Variants in MAST4 observed in about 807,000 individuals in gnomAD.
The protein encoded by MAST4 is microtubule-associated serine/threonine-protein kinase 4.
Under a neutral mutation model 162.7 loss-of-function variants are expected in MAST4, and 89 were observed. That is an observed-to-expected ratio of 0.55 (90% CI 0.46 to 0.65). The LOEUF is 0.65. MAST4 is among the 30% of genes least tolerant of loss of function. MAST4 has a pLI of 0.00. For synonymous variants in MAST4, 1,479 were observed against 1,361.1 expected, an observed-to-expected ratio of 1.09 and a Z score of -1.91; for missense variants, 3,153 against 3,374.0, an observed-to-expected ratio of 0.93 and a Z score of 1.62.
At chr5:66,635,713 A>G (rs542894717) in intron 1 of MAST4, among the ~76,000 whole-genome samples, 1 of 151,490 alleles carries the variant, frequency 6.6e-6, no homozygotes, top group East Asian at 1.9e-4. Flanking sequence ...TTTGAGACAG[A>G]GTTGCCCAGG....
At chr5:66,870,226 G>C (rs1248556416) in intron 3 of MAST4, among the ~76,000 whole-genome samples, 1 of 152,114 alleles carries the variant, frequency 6.6e-6, no homozygotes, top group Non-Finnish European at 1.5e-5. Context: ...GTGCATTTAG[G>C]GGCATAGTTT....
rs375144304 is a variant in MAST4 at position 67,163,952 on chromosome 5, G to A, written c.4773G>A (p.Ala1591=). 1.3e-5 allele frequency: 21 copies of A among 1,612,930 alleles called. No homozygotes were observed. The South Asian group carries it at 1.5e-4, about 12-fold the overall frequency. The part of the protein sequence containing the change: ...VERSSTFENK[A]SMQEAPPLGS... The stretch of plus-strand genomic sequence containing the variant: ...GGTCAAGTACTTTTGAAAACAAAGC[G>A]TCTATGCAGGAGGCGCCACCGCTGG... The change falls in exon 29 of 29, where the codon GCG becomes GCA. Residue 1591 remains alanine, a synonymous_variant. Coordinates refer to ENST00000403625, the MANE Select transcript of MAST4 (RefSeq NM_001164664.2). The surrounding 1 kb of genome is among the most constrained non-coding windows in gnomAD (Gnocchi z 7.0).
At chr5:66,800,640 C>T (rs1755872261) in intron 3 of MAST4, among the ~76,000 whole-genome samples, 1 of 152,010 alleles carries the variant, frequency 6.6e-6, no homozygotes, top group Non-Finnish European at 1.5e-5. Flanking sequence ...AACAAACCCC[C>T]ATGACACAGG....
intron 5 of MAST4, among the ~76,000 whole-genome samples, chr5:67,087,125 T>C (rs771119374): frequency 5.3e-5 from 8 of 152,182 alleles, no homozygotes; most frequent in Non-Finnish European, 8.8e-5. Context: ...AGAATGCTCA[T>C]TGACCCTTTT....
chr5:67,136,807 C>A, intron 19 of MAST4, 143 bp downstream of exon 19: 1 of 603,702 alleles, frequency 1.7e-6, no homozygotes, highest in Middle Eastern at 3.0e-4. Flanking sequence ...CACATTATAG[C>A]AATAATATTT....
At chr5:67,152,561 C>A in intron 24 of MAST4, 76 bp from the exon 25 acceptor site, 1 of 1,200,400 alleles carries the variant, frequency 8.3e-7, no homozygotes, top group Non-Finnish European at 1.2e-6. Context: ...CCTGGCAAGG[C>A]TCATGGGGTG....
chr5:66,939,198 CA>C, intron 4 of MAST4, among the ~76,000 whole-genome samples: 1 of 151,852 alleles, frequency 6.6e-6, no homozygotes, highest in East Asian at 1.9e-4. Flanking sequence ...AAGAGAGAAA[CA>C]AATAGAAAAC....
chr5:66,936,571 T>A (rs1283940269), intron 4 of MAST4, among the ~76,000 whole-genome samples: 2 of 152,096 alleles, frequency 1.3e-5, no homozygotes, highest in African/African-American at 4.8e-5. Context: ...CACAAGGTAC[T>A]CAGTGGGGGA....
At chr5:67,119,652 T>C (rs1767344520) in intron 13 of MAST4, among the ~76,000 whole-genome samples, 1 of 152,240 alleles carries the variant, frequency 6.6e-6, no homozygotes, top group South Asian at 2.1e-4. Flanking sequence ...AGCTGTTTTC[T>C]TTTATTATCT....
At chr5:66,647,703 A>G (rs1745932924) in intron 1 of MAST4, among the ~76,000 whole-genome samples, 1 of 152,156 alleles carries the variant, frequency 6.6e-6, no homozygotes, top group African/African-American at 2.4e-5. Flanking sequence ...GCTCCAGAAC[A>G]TAGCACAGGA....
At chr5:67,039,087 G>A (rs1340582430) in intron 4 of MAST4, among the ~76,000 whole-genome samples, 1 of 152,150 alleles carries the variant, frequency 6.6e-6, no homozygotes, top group East Asian at 1.9e-4. Context: ...TTTTCAAGAT[G>A]GATTTAACTG....
intron 6 of MAST4, 66 bp downstream of exon 6, chr5:67,090,297 C>A: frequency 9.1e-7 from 1 of 1,103,350 alleles, no homozygotes; most frequent in Non-Finnish European, 1.3e-6. Context: ...CTCTCCCTCT[C>A]CCCACTTCTC....
intron 1 of MAST4, among the ~76,000 whole-genome samples, chr5:66,606,345 A>G (rs1241821095): frequency 1.3e-5 from 2 of 152,108 alleles, no homozygotes; most frequent in Admixed American, 6.5e-5. Flanking sequence ...TTCTTGCCTT[A>G]TTCTGTGCTG....
At chr5:66,961,927 C>T (rs1279971807) in intron 4 of MAST4, among the ~76,000 whole-genome samples, 1 of 152,176 alleles carries the variant, frequency 6.6e-6, no homozygotes, top group Non-Finnish European at 1.5e-5. Flanking sequence ...ATTACAAGTG[C>T]TGGTACCAAA....
At chr5:66,742,506 G>A (rs182430887) in intron 1 of MAST4, among the ~76,000 whole-genome samples, 1 of 152,148 alleles carries the variant, frequency 6.6e-6, no homozygotes, top group Admixed American at 6.5e-5. Context: ...CAAAGCTCCT[G>A]AGCGCTCCTC....
intron 5 of MAST4, among the ~76,000 whole-genome samples, chr5:67,057,336 C>T (rs969305488): frequency 6.6e-6 from 1 of 152,062 alleles, no homozygotes; most frequent in African/African-American, 2.4e-5. Flanking sequence ...CACTTATTAA[C>T]CTAAAAGATA....
chr5:66,745,982 A>G (rs1024049885), intron 1 of MAST4, among the ~76,000 whole-genome samples: 4 of 152,202 alleles, frequency 2.6e-5, no homozygotes, highest in African/African-American at 9.6e-5. Flanking sequence ...GCACATAGGC[A>G]GTAGGTTGTG....
rs1481107977 is a variant in MAST4 at position 67,163,535 on chromosome 5, C to T, written c.4356C>T (p.Pro1452=). 6.2e-7 allele frequency: 1 copy of T among 1,603,520 alleles called. No homozygotes were observed. The highest frequency in any genetic ancestry group is 2.3e-5 in the East Asian group (1 of 44,184). ...KRVQSEEKLS[P]SYGSDKKHLC... is the part of the protein sequence containing the mutation. ...TGCAGTCCGAGGAGAAGCTGTCGCC[C>T]TCTTACGGCAGTGACAAGAAGCACC... The change falls in exon 29 of 29, where the codon CCC becomes CCT. Residue 1452 remains proline, a synonymous_variant. Transcript: ENST00000403625. The surrounding 1 kb of genome is among the most constrained non-coding windows in gnomAD (Gnocchi z 7.0).
At chr5:66,902,620 C>T (rs963847030) in intron 4 of MAST4, 2 of 433,814 alleles carry the variant, frequency 4.6e-6, no homozygotes, top group Non-Finnish European at 9.4e-6. Context: ...AACTTGAAGA[C>T]TCTCTTGTTT....
Sources: allele counts gnomAD v4.1 joint callset (sites outside exome capture counted in the v4.1 genomes callset), GRCh38; gene constraint gnomAD v4.1.1; non-coding constraint Gnocchi (gnomAD v3.1); transcripts MANE v1.5; gene names NCBI Gene and HGNC (gene_info 2026-07-23, HGNC 2026-07-21).